CSMD1: variants seen among roughly 807,000 people sequenced by gnomAD.
CSMD1 encodes CUB and Sushi multiple domains 1, also known as CUB and sushi domain-containing protein 1.
In CSMD1, 213 loss-of-function variants were observed where a neutral mutation model predicts 417.5. The ratio of observed to expected loss-of-function variants is 0.51; its 90% CI spans 0.46 to 0.57. CSMD1 has a LOEUF of 0.57. CSMD1 is among the 20% of genes least tolerant of loss of function. The pLI, the probability that CSMD1 is intolerant of heterozygous loss-of-function variation, is 0.00. For missense variants in CSMD1, 6,923 were observed against 4,529.7 expected (o/e 1.53, Z -15.17); for synonymous variants, 2,862 against 1,736.8 (o/e 1.65, Z -16.11).
At chr8:4,759,278 G>A (rs1337935838) in intron 1 of CSMD1, among the ~76,000 whole-genome samples, 2 of 152,162 alleles carry the variant, frequency 1.3e-5, no homozygotes, top group Admixed American at 1.3e-4. Context: ...GATGCCACCA[G>A]GGAAGGAAGC....
At chr8:3,879,849 G>A (rs919657121) in intron 5 of CSMD1, among the ~76,000 whole-genome samples, 2 of 152,072 alleles carry the variant, frequency 1.3e-5, no homozygotes, top group African/African-American at 2.4e-5. Flanking sequence ...GTGTGTGTGT[G>A]TGTGTTGCGT....
At chr8:4,361,673 AG>A (rs1420359279) in intron 3 of CSMD1, among the ~76,000 whole-genome samples, 2 of 152,138 alleles carry the variant, frequency 1.3e-5, no homozygotes, top group African/African-American at 2.4e-5. Context: ...ATCAGCAGCC[AG>A]GTGCGACGGC....
chr8:4,409,336 A>G (rs1796517466), intron 3 of CSMD1, among the ~76,000 whole-genome samples: 1 of 152,148 alleles, frequency 6.6e-6, no homozygotes, highest in Non-Finnish European at 1.5e-5. Context: ...AATCTATGTC[A>G]TTCTCTCACA....
intron 1 of CSMD1, among the ~76,000 whole-genome samples, chr8:4,748,340 A>G (rs1811086907): frequency 6.6e-6 from 1 of 152,252 alleles, no homozygotes; most frequent in South Asian, 2.1e-4. Flanking sequence ...ATGTGTGCAT[A>G]TGGAAATTTG....
chr8:4,454,626 G>A (rs1220666592), intron 2 of CSMD1, among the ~76,000 whole-genome samples: 1 of 152,180 alleles, frequency 6.6e-6, no homozygotes, highest in Non-Finnish European at 1.5e-5. Flanking sequence ...GAAGGAAGCT[G>A]ATAAAGAGAC....
chr8:4,919,215 G>C (rs902308560), intron 1 of CSMD1, among the ~76,000 whole-genome samples: 1 of 152,118 alleles, frequency 6.6e-6, no homozygotes, highest in African/African-American at 2.4e-5. Context: ...AAAACACTTT[G>C]TAATTTAGTC....
chr8:4,543,530 C>T (rs1797494200), intron 2 of CSMD1, among the ~76,000 whole-genome samples: 1 of 152,040 alleles, frequency 6.6e-6, no homozygotes, highest in Non-Finnish European at 1.5e-5. Context: ...TTTATACATT[C>T]ACCAACCGAA....
At chr8:4,570,775 G>T (rs889426391) in intron 2 of CSMD1, among the ~76,000 whole-genome samples, 3 of 152,020 alleles carry the variant, frequency 2.0e-5, no homozygotes, top group African/African-American at 7.2e-5. Flanking sequence ...TCTGTCCTGG[G>T]CTTTTATTGT....
intron 10 of CSMD1, among the ~76,000 whole-genome samples, chr8:3,529,328 C>T (rs956071636): frequency 6.6e-6 from 1 of 152,068 alleles, no homozygotes; most frequent in African/African-American, 2.4e-5. Context: ...TTGCACATGG[C>T]CAACACACTT....
At chr8:3,805,037 A>T (rs1160014350) in intron 5 of CSMD1, among the ~76,000 whole-genome samples, 1 of 152,132 alleles carries the variant, frequency 6.6e-6, no homozygotes, top group East Asian at 1.9e-4. Context: ...TCATATTCAC[A>T]CTGGAATATA....
At chr8:3,056,026 T>C (rs1393017826) in intron 49 of CSMD1, among the ~76,000 whole-genome samples, 2 of 152,224 alleles carry the variant, frequency 1.3e-5, no homozygotes, top group African/African-American at 4.8e-5. Context: ...GAAAATCTAA[T>C]AATTATGTTA....
At chr8:4,602,831 T>C (rs979609744) in intron 2 of CSMD1, among the ~76,000 whole-genome samples, 1 of 152,030 alleles carries the variant, frequency 6.6e-6, no homozygotes, top group African/African-American at 2.4e-5. Flanking sequence ...GACTTTATCC[T>C]GTATTAATAA....
chr8:3,158,294 C>A (rs1469687897), intron 38 of CSMD1, among the ~76,000 whole-genome samples: 1 of 151,452 alleles, frequency 6.6e-6, no homozygotes, highest in Non-Finnish European at 1.5e-5. Context: ...TTTTCATTCA[C>A]CAGAATTTAC....
Position 4,020,703 on chromosome 8 carries a change from T to C in CSMD1, c.610+11202A>G, listed in dbSNP as rs1041669220. Among the ~76,000 whole-genome samples the C allele has an allele frequency of 3.9e-5, 6 of 152,234 alleles. No homozygotes were observed. In the South Asian group the frequency reaches 8.3e-4, roughly 21 times the overall value. ...GTTTTCATTTTACTCCCTCAGCGAA[T>C]CCGCGTGTTCCTCAAAGTCTTCTGT... On this transcript the variant is annotated intron_variant, in intron 4 of 69. Transcript: ENST00000635120.
In CSMD1 at chr8:3,091,583, A is replaced by C; in HGVS notation, c.7218T>G (p.Asn2406Lys). 6.2e-7 allele frequency: 1 copy of C among 1,611,410 alleles called. No homozygotes were observed. The change falls in exon 48 of 70, where the codon AAT becomes AAG. Residue 2406 changes from asparagine to lysine, a missense_variant. By Grantham distance (94) the Asn-to-Lys change is moderately conservative (BLOSUM62 0). Coordinates refer to ENST00000635120, the MANE Select transcript of CSMD1 (RefSeq NM_033225.6). ...CAGTGGACCAGCGGAGATATAACTGATTACTCCTGCTTGTAAAATTTGATT... is the reference window on the plus strand; with the variant it reads ...CAGTGGACCAGCGGAGATATAACTGCTTACTCCTGCTTGTAAAATTTGATT... ...TEQSNFTSRS[N>K]QLYLRWSTDH...
intron 3 of CSMD1, among the ~76,000 whole-genome samples, chr8:4,048,633 T>C (rs1237107464): frequency 6.6e-6 from 1 of 152,164 alleles, no homozygotes; most frequent in Admixed American, 6.5e-5. Context: ...TCTTAAATAA[T>C]TTTTGGGTGT....
At chr8:2,953,886 A>G (rs1442583345) in intron 65 of CSMD1, among the ~76,000 whole-genome samples, 2 of 152,246 alleles carry the variant, frequency 1.3e-5, no homozygotes, top group Admixed American at 6.5e-5. Context: ...GGAGGAAAAA[A>G]GTCGCAACCC....
chr8:4,966,739 A>T (rs1438445245), intron 1 of CSMD1, among the ~76,000 whole-genome samples: 1 of 152,228 alleles, frequency 6.6e-6, no homozygotes, highest in African/African-American at 2.4e-5. Context: ...AAGGACTATA[A>T]AATTGGATTT....
chr8:3,994,445 C>CGGA (rs1815041327), intron 5 of CSMD1, among the ~76,000 whole-genome samples: 1 of 63,816 alleles, frequency 1.6e-5, no homozygotes, highest in African/African-American at 5.7e-5. Flanking sequence ...CAAATCTCTT[C>CGGA]AGAAAAAAAA....
Sources: gnomAD v4.1 joint callset for allele counts (sites outside exome capture counted in the v4.1 genomes callset) on GRCh38, gnomAD v4.1.1 for gene constraint, MANE v1.5 for transcripts, NCBI Gene and HGNC (gene_info 2026-07-23, HGNC 2026-07-21) for gene names.